MACC1: variants seen among roughly 807,000 people sequenced by gnomAD.
The protein encoded by MACC1 is MET transcriptional regulator MACC1, also known as metastasis-associated in colon cancer protein 1.
In MACC1, 79 loss-of-function variants were observed where a neutral mutation model predicts 70.7. That is an observed-to-expected ratio of 1.12 (90% CI 0.93 to 1.35). MACC1 has a LOEUF of 1.35. Ranked by LOEUF, MACC1 falls within the 40% of genes most tolerant of loss-of-function variation. The pLI is 0.00. For synonymous variants in MACC1, 361 were observed against 347.2 expected (o/e 1.04, Z -0.44); for missense variants, 1,106 against 978.1 (o/e 1.13, Z -1.74).
chr7:20,217,068 T>A (rs534582088), intron 1 of MACC1, among the ~76,000 whole-genome samples: 1 of 152,352 alleles, frequency 6.6e-6, no homozygotes, highest in Admixed American at 6.5e-5. Context: ...TAAAATAAAC[T>A]ACTTTATTCT....
chr7:20,143,450 G>A (rs1174098107), intron 6 of MACC1, among the ~76,000 whole-genome samples: 1 of 152,136 alleles, frequency 6.6e-6, no homozygotes, highest in Non-Finnish European at 1.5e-5. Flanking sequence ...GTGCAGTGGT[G>A]TGATTTCAGC....
chr7:20,205,099 GA>G (rs575354381), intron 1 of MACC1, among the ~76,000 whole-genome samples: 21 of 151,408 alleles, frequency 1.4e-4, no homozygotes, highest in African/African-American at 4.6e-4. Context: ...TTTTAGAATG[GA>G]AAAAAACATG....
intron 1 of MACC1, among the ~76,000 whole-genome samples, chr7:20,206,945 T>C (rs972049805): frequency 2.0e-5 from 3 of 152,166 alleles, no homozygotes; most frequent in Non-Finnish European, 4.4e-5. Flanking sequence ...AAAATTAGTA[T>C]CTCTAAAATC....
At chr7:20,152,863 G>GA (rs377330225) in intron 6 of MACC1, among the ~76,000 whole-genome samples, 1 of 151,754 alleles carries the variant, frequency 6.6e-6, no homozygotes, top group African/African-American at 2.4e-5. Flanking sequence ...ACCTTATTAA[G>GA]AAAAAAAGGT....
At chr7:20,212,812 A>C (rs1040336693) in intron 1 of MACC1, among the ~76,000 whole-genome samples, 13 of 152,034 alleles carry the variant, frequency 8.6e-5, no homozygotes, top group Non-Finnish European at 2.9e-5. Context: ...AAAACTCCAG[A>C]GGCTCAAACA....
In MACC1 at chr7:20,195,776, G is replaced by A. The variant is rs189703468; in HGVS notation, c.-218+21523C>T. ...ATTATTTTAATACTGCTCATCTTGA[G>A]GCCAATGCTTCTTTAGCTGCTAGAA... On this transcript the variant is annotated intron_variant, in intron 1 of 6. Coordinates refer to ENST00000400331, the MANE Select transcript of MACC1 (RefSeq NM_182762.4). Among the ~76,000 whole-genome samples, 110 of 152,252 alleles carry A rather than the reference G, an allele frequency of 7.2e-4. 1 individual carries two copies. Among genetic ancestry groups the A allele is most frequent in the Admixed American group, 5.9e-4 (9 of 15,300 alleles).
chr7:20,209,742 A>C (rs995855460), intron 1 of MACC1, among the ~76,000 whole-genome samples: 4 of 152,152 alleles, frequency 2.6e-5, no homozygotes, highest in African/African-American at 9.7e-5. Context: ...GATTTGGGGC[A>C]GGGGTGAAAT....
intron 1 of MACC1, among the ~76,000 whole-genome samples, chr7:20,199,960 A>G (rs1782808598): frequency 6.6e-6 from 1 of 152,150 alleles, no homozygotes; most frequent in African/African-American, 2.4e-5. Flanking sequence ...CAAATGAATT[A>G]GCCAAATCCT....
intron 1 of MACC1, among the ~76,000 whole-genome samples, chr7:20,204,674 T>C (rs1343571546): frequency 6.6e-6 from 1 of 152,182 alleles, no homozygotes; most frequent in Admixed American, 6.5e-5. Flanking sequence ...AGGTGAGCTG[T>C]AACAAACACA....
chr7:20,187,889 A>C (rs146570851), intron 1 of MACC1, among the ~76,000 whole-genome samples: 1 of 152,300 alleles, frequency 6.6e-6, no homozygotes, highest in East Asian at 1.9e-4. Context: ...AGAATGAATT[A>C]GTCCATTCTC....
chr7:20,206,222 T>C (rs1782909278), intron 1 of MACC1, among the ~76,000 whole-genome samples: 1 of 151,796 alleles, frequency 6.6e-6, no homozygotes, highest in African/African-American at 2.4e-5. Flanking sequence ...GTCTCTTCCT[T>C]CCCTAAGTCA....
chr7:20,203,905 G>A (rs1394562910), intron 1 of MACC1, among the ~76,000 whole-genome samples: 1 of 152,076 alleles, frequency 6.6e-6, no homozygotes, highest in East Asian at 1.9e-4. Flanking sequence ...AATCATAATG[G>A]AAAGAGCAGT....
intron 5 of MACC1, among the ~76,000 whole-genome samples, chr7:20,155,438 T>C (rs1782042066): frequency 6.6e-6 from 1 of 152,164 alleles, no homozygotes; most frequent in East Asian, 1.9e-4. Flanking sequence ...AACAATATAC[T>C]CTAATAAATG....
At chr7:20,211,525 G>C (rs1782996093) in intron 1 of MACC1, among the ~76,000 whole-genome samples, 1 of 152,174 alleles carries the variant, frequency 6.6e-6, no homozygotes. Flanking sequence ...TTTTAGAAAT[G>C]GGAGTGTTCC....
At chr7:20,208,226 A>G (rs1223173184) in intron 1 of MACC1, among the ~76,000 whole-genome samples, 1 of 152,230 alleles carries the variant, frequency 6.6e-6, no homozygotes, top group Admixed American at 6.5e-5. Flanking sequence ...AATTGGTACA[A>G]GAAGTGAGGT....
chr7:20,147,610 G>A (rs1781912229), intron 6 of MACC1: 2 of 152,172 alleles, frequency 1.3e-5, no homozygotes, highest in Admixed American at 1.3e-4. Flanking sequence ...AGGTAAGATT[G>A]CTGTTGTCTT....
intron 1 of MACC1, among the ~76,000 whole-genome samples, chr7:20,178,760 C>G (rs1465259248): frequency 6.6e-6 from 1 of 152,126 alleles, no homozygotes; most frequent in Non-Finnish European, 1.5e-5. Flanking sequence ...ACCACCACGC[C>G]TGGCTAATTT....
At chr7:20,190,314 G>T (rs1259576248) in intron 1 of MACC1, among the ~76,000 whole-genome samples, 1 of 152,028 alleles carries the variant, frequency 6.6e-6, no homozygotes, top group Non-Finnish European at 1.5e-5. Context: ...CAAAATAAAT[G>T]TTTAATTTTG....
At chr7:20,180,895 G>A (rs1221779779) in intron 1 of MACC1, among the ~76,000 whole-genome samples, 1 of 151,780 alleles carries the variant, frequency 6.6e-6, no homozygotes, top group Non-Finnish European at 1.5e-5. Flanking sequence ...TCATTAAGAA[G>A]GCAAATATAA....
Sources: allele counts gnomAD v4.1 joint callset (sites outside exome capture counted in the v4.1 genomes callset), GRCh38; gene constraint gnomAD v4.1.1; transcripts MANE v1.5; gene names NCBI Gene and HGNC (gene_info 2026-07-23, HGNC 2026-07-21).